CSMD1: variants seen among roughly 807,000 people sequenced by gnomAD.
CSMD1 encodes CUB and Sushi multiple domains 1, also known as CUB and sushi domain-containing protein 1.
CSMD1 carries 213 observed loss-of-function variants against 417.5 expected under a neutral mutation model. The ratio of observed to expected loss-of-function variants is 0.51; its 90% CI spans 0.46 to 0.57. CSMD1 has a LOEUF of 0.57. Ranked by LOEUF, CSMD1 falls within the 20% of genes least tolerant of loss-of-function variation. The pLI, the probability that CSMD1 is intolerant of heterozygous loss-of-function variation, is 0.00. For synonymous variants in CSMD1, 2,862 were observed against 1,736.8 expected, an observed-to-expected ratio of 1.65 and a Z score of -16.11; for missense variants, 6,923 against 4,529.7, an observed-to-expected ratio of 1.53 and a Z score of -15.17.
intron 5 of CSMD1, among the ~76,000 whole-genome samples, chr8:3,867,572 C>T (rs1007186883): frequency 6.6e-6 from 1 of 152,108 alleles, no homozygotes; most frequent in Non-Finnish European, 1.5e-5. Context: ...CTCTAATGAA[C>T]TGTGTGGATA....
At chr8:3,521,850 A>G (rs961596306) in intron 10 of CSMD1, among the ~76,000 whole-genome samples, 1 of 152,218 alleles carries the variant, frequency 6.6e-6, no homozygotes, top group Non-Finnish European at 1.5e-5. Flanking sequence ...TTATCATACT[A>G]TCTATTCTAA....
At chr8:4,612,144 C>A (rs571610952) in intron 2 of CSMD1, among the ~76,000 whole-genome samples, 3 of 152,204 alleles carry the variant, frequency 2.0e-5, no homozygotes, top group African/African-American at 7.2e-5. Context: ...GGAGCAGAGA[C>A]CTGATCGGAG....
chr8:4,469,984 C>A (rs1253409596), intron 2 of CSMD1, among the ~76,000 whole-genome samples: 1 of 152,044 alleles, frequency 6.6e-6, no homozygotes, highest in East Asian at 1.9e-4. Flanking sequence ...CATCCTGCCT[C>A]AGCCTCCCGA....
At chr8:3,027,823 G>C (rs910996730) in intron 51 of CSMD1, among the ~76,000 whole-genome samples, 2 of 152,214 alleles carry the variant, frequency 1.3e-5, no homozygotes, top group African/African-American at 4.8e-5. Flanking sequence ...CACCGTTCAA[G>C]GACAGCAGAG....
At chr8:3,693,486 T>G (rs781016893) in intron 7 of CSMD1, among the ~76,000 whole-genome samples, 1 of 152,074 alleles carries the variant, frequency 6.6e-6, no homozygotes, top group Non-Finnish European at 1.5e-5. Context: ...CTGGTCAAAT[T>G]ATGGCAGCAG....
intron 1 of CSMD1, among the ~76,000 whole-genome samples, chr8:4,691,454 A>G (rs1375689157): frequency 2.0e-5 from 3 of 152,070 alleles, no homozygotes; most frequent in Non-Finnish European, 2.9e-5. Flanking sequence ...CTTCTTGACA[A>G]TTTTATCATT....
intron 26 of CSMD1, among the ~76,000 whole-genome samples, chr8:3,239,847 A>G (rs1215848376): frequency 6.6e-6 from 1 of 152,142 alleles, no homozygotes; most frequent in Non-Finnish European, 1.5e-5. Flanking sequence ...AGTTATAGTC[A>G]TAGGGGTCAG....
intron 3 of CSMD1, among the ~76,000 whole-genome samples, chr8:4,337,661 T>G (rs1007593547): frequency 6.6e-6 from 1 of 152,186 alleles, no homozygotes; most frequent in Non-Finnish European, 1.5e-5. Flanking sequence ...CAGCAGATTA[T>G]TCTCACAGAC....
At chr8:4,100,167 G>A (rs1039087237) in intron 3 of CSMD1, among the ~76,000 whole-genome samples, 1 of 152,052 alleles carries the variant, frequency 6.6e-6, no homozygotes, top group Non-Finnish European at 1.5e-5. Context: ...AGTAAAATGG[G>A]GCATATACTA....
intron 5 of CSMD1, among the ~76,000 whole-genome samples, chr8:3,969,402 T>C (rs1032947334): frequency 3.4e-4 from 51 of 152,178 alleles, no homozygotes; most frequent in Admixed American, 3.1e-3. Flanking sequence ...CTCTCACTTA[T>C]ACCTCCTCTT....
chr8:3,103,785 C>G (rs1815927295), intron 46 of CSMD1, among the ~76,000 whole-genome samples: 1 of 151,962 alleles, frequency 6.6e-6, no homozygotes, highest in African/African-American at 2.4e-5. Flanking sequence ...CTCTTGTTGC[C>G]CAGGCTGGAG....
At chr8:3,512,499 C>T (rs1221582185) in intron 10 of CSMD1, among the ~76,000 whole-genome samples, 1 of 151,984 alleles carries the variant, frequency 6.6e-6, no homozygotes, top group Non-Finnish European at 1.5e-5. Context: ...GAAAGAATGA[C>T]CACATGAACG....
At chr8:3,719,772 G>A (rs764135971) in intron 6 of CSMD1, among the ~76,000 whole-genome samples, 40 of 152,138 alleles carry the variant, frequency 2.6e-4, no homozygotes, top group Non-Finnish European at 4.7e-4. Context: ...TGTGTGGAAG[G>A]CATTTCCAGT....
chr8:3,934,883 G>C (rs1389829580), intron 5 of CSMD1, among the ~76,000 whole-genome samples: 2 of 152,022 alleles, frequency 1.3e-5, no homozygotes, highest in Admixed American at 6.6e-5. Flanking sequence ...AAAACAATTG[G>C]TATATCTGTT....
chr8:4,231,240 C>T (rs1469080511), intron 3 of CSMD1, among the ~76,000 whole-genome samples: 1 of 152,158 alleles, frequency 6.6e-6, no homozygotes, highest in East Asian at 1.9e-4. Context: ...GAGGTTACTG[C>T]CGCCATCATG....
At chr8:3,872,582 G>T (rs565055894) in intron 5 of CSMD1, among the ~76,000 whole-genome samples, 1 of 152,148 alleles carries the variant, frequency 6.6e-6, no homozygotes, top group Non-Finnish European at 1.5e-5. Context: ...TTGCTTGATA[G>T]AGTTCAGTAA....
At position 3,729,643 on chromosome 8, in the gene CSMD1, G is replaced by C. The variant is rs188192190; in HGVS notation, c.932-21152C>G. ...GTGGAAAGACGGTGAACTCAACTTAGAGGAAGCGATGGGGGCTACCAGCGA... is the reference window on the plus strand; with the variant it reads ...GTGGAAAGACGGTGAACTCAACTTACAGGAAGCGATGGGGGCTACCAGCGA... On this transcript the variant is annotated intron_variant, in intron 6 of 69. Transcript: ENST00000635120. Among the ~76,000 whole-genome samples, 8 of 151,804 alleles carry C rather than the reference G, an allele frequency of 5.3e-5. No individual in the cohort carries two copies. The East Asian group carries it at 1.2e-3, about 22-fold the overall frequency.
At chr8:3,802,478 T>C (rs1800512285) in intron 5 of CSMD1, among the ~76,000 whole-genome samples, 1 of 152,192 alleles carries the variant, frequency 6.6e-6, no homozygotes, top group African/African-American at 2.4e-5. Context: ...AAGTATCAAC[T>C]TCATTCATGT....
intron 3 of CSMD1, among the ~76,000 whole-genome samples, chr8:4,130,501 G>C (rs995644495): frequency 2.6e-5 from 4 of 152,090 alleles, no homozygotes; most frequent in Non-Finnish European, 5.9e-5. Flanking sequence ...GAGTTGATTT[G>C]ATTCTTGGCT....
Sources: allele counts gnomAD v4.1 joint callset (sites outside exome capture counted in the v4.1 genomes callset), GRCh38; gene constraint gnomAD v4.1.1; transcripts MANE v1.5; gene names NCBI Gene and HGNC (gene_info 2026-07-23, HGNC 2026-07-21).